Variants in EDRF1 observed in about 807,000 individuals in gnomAD.
EDRF1 encodes the protein erythroid differentiation regulatory factor 1.
In EDRF1, 69 loss-of-function variants were observed where a neutral mutation model predicts 148.7. The ratio of observed to expected loss-of-function variants is 0.46; its 90% CI spans 0.38 to 0.57. The LOEUF (loss-of-function observed/expected upper bound fraction) is 0.57. Among genes scored for constraint, EDRF1 ranks in the 20% least tolerant of loss-of-function variants. EDRF1 has a pLI of 0.00. For synonymous variants in EDRF1, 515 were observed against 532.8 expected, an observed-to-expected ratio of 0.97 and a Z score of 0.46; for missense variants, 1,118 against 1,478.7, an observed-to-expected ratio of 0.76 and a Z score of 4.00.
chr10:125,744,219 C>CTT (rs779660582), intron 18 of EDRF1, among the ~76,000 whole-genome samples: 2 of 135,340 alleles, frequency 1.5e-5, no homozygotes, highest in African/African-American at 5.7e-5. Flanking sequence ...TTGGTTGTTT[C>CTT]TTTTTTTTTT....
intron 24 of EDRF1, among the ~76,000 whole-genome samples, chr10:125,757,527 A>G (rs1849965361): frequency 6.6e-6 from 1 of 152,206 alleles, no homozygotes; most frequent in Non-Finnish European, 1.5e-5. Context: ...ACCTTCATTT[A>G]TTCCATTTCA....
chr10:125,724,084 C>A, intron 4 of EDRF1, 148 bp downstream of exon 4: 2 of 889,496 alleles, frequency 2.2e-6, no homozygotes, highest in South Asian at 1.7e-5. Flanking sequence ...GATAGAAAAG[C>A]TTGAATGAAG....
chr10:125,744,664 A>G (rs1346880243), intron 18 of EDRF1: 1 of 152,248 alleles, frequency 6.6e-6, no homozygotes, highest in Non-Finnish European at 1.5e-5. Context: ...CACAGGTTGT[A>G]ATCTCTTCAG....
Position 125,757,857 on chromosome 10 carries a change from C to G in EDRF1, c.3545+4012C>G, listed in dbSNP as rs546769325. ...TCCTTGCCTGTAGGCGCCTCACCCC[C>G]CAGCAGTTTAACTATGATAGGCTTG... On this transcript the variant is annotated intron_variant, in intron 24 of 24. Transcript: ENST00000356792. 2.6e-5 allele frequency among the ~76,000 whole-genome samples: 4 copies of G among 152,318 alleles called. No individual in the cohort carries two copies. In the East Asian group the frequency reaches 5.8e-4, roughly 22 times the overall value.
intron 21 of EDRF1, chr10:125,748,358 A>G (rs1849473666): frequency 5.8e-6 from 2 of 345,194 alleles, no homozygotes; most frequent in African/African-American, 4.2e-5. Flanking sequence ...TAGTTTATCT[A>G]GTCTATGATT....
In EDRF1 at chr10:125,735,719, T is replaced by C. The variant is rs1245507643; in HGVS notation, c.1573T>C (p.Ser525Pro). The change falls in exon 13 of 25, where the codon TCT becomes CCT. Residue 525 changes from serine to proline, a missense_variant. By Grantham distance (74) the Ser-to-Pro change is moderately conservative (BLOSUM62 -1). Transcript: ENST00000356792. ...ACCTAAAAAGGAAGAAAATTCAGAATCTCCTTTAAATGAGAATTCTGATGA... is the reference window on the plus strand; with the variant it reads ...ACCTAAAAAGGAAGAAAATTCAGAACCTCCTTTAAATGAGAATTCTGATGA... ...DEPKKEENSESPLNENSDESY... is the reference protein window; with the variant it reads ...DEPKKEENSEPPLNENSDESY... 1.2e-6 allele frequency: 2 copies of C among 1,613,574 alleles called. No individual in the cohort carries two copies. The highest frequency in any genetic ancestry group is 2.2e-5 in the South Asian group (2 of 91,064).
At chr10:125,761,055 G>A (rs1850167905) in intron 24 of EDRF1, among the ~76,000 whole-genome samples, 1 of 152,182 alleles carries the variant, frequency 6.6e-6, no homozygotes. Context: ...GAGAGGCCAT[G>A]TTAAACAAAT....
intron 24 of EDRF1, among the ~76,000 whole-genome samples, chr10:125,758,290 T>A (rs978514288): frequency 6.6e-6 from 1 of 152,258 alleles, no homozygotes; most frequent in African/African-American, 2.4e-5. Flanking sequence ...ATTATAGTCC[T>A]TTTAAATTCC....
rs139989262 is a variant in EDRF1, at chr10:125,755,029, C to T, written c.3545+1184C>T. Among the ~76,000 whole-genome samples the T allele has an allele frequency of 5.9e-5, 9 of 152,308 alleles. No homozygotes were observed. In the East Asian group the frequency reaches 1.3e-3, roughly 23 times the overall value. ...AACAGTTCCGTCACTCCAAGAATTC[C>T]CTCCTGCTGTCCCCTTTGCAGTCAA... On this transcript the variant is annotated intron_variant, in intron 24 of 24. Transcript: ENST00000356792.
chr10:125,763,615 T>G lies in EDRF1; in HGVS notation c.*143T>G, dbSNP rs946644631. 3 of 986,202 alleles carry G rather than the reference T, an allele frequency of 3.0e-6. No individual in the cohort carries two copies. The highest frequency in any genetic ancestry group is 4.5e-6 in the Non-Finnish European group (3 of 666,684). 61.1% of individuals were successfully genotyped at this position (986,202 alleles called of 1,614,324 possible). On this transcript the variant is annotated 3_prime_UTR_variant, in exon 25 of 25. Transcript: ENST00000356792. This position sits in a 1 kb window ranked among gnomAD's most constrained non-coding sequence, Gnocchi z 4.3. ...AGTGGAAACACAGAGTTATTTTAAG[T>G]GACAGACAAATTACGGTTGAGTTCT...
chr10:125,733,288 C>A lies in EDRF1; in HGVS notation c.1129-116C>A. 1.3e-5 allele frequency: 10 copies of A among 787,080 alleles called. No homozygotes were observed. In the South Asian group the frequency reaches 1.5e-4, roughly 12 times the overall value. The allele number at this position is 787,080 out of a possible 1,614,324, so 48.8% of individuals were successfully genotyped here. A position where few individuals can be genotyped will look rare whatever the true frequency, so the allele number is the denominator to read the frequency against. ...TAAAAACCACTGGTTTAAACACTTT[C>A]ATGCTACATAGGTCTCTGTTTGCAG... is the stretch of plus-strand genomic sequence containing the variant. On this transcript the variant is annotated intron_variant, in intron 9 of 24. Transcript: ENST00000356792.
intron 20 of EDRF1, 30 bp from the exon 21 acceptor site, chr10:125,747,832 AT>A: frequency 1.9e-6 from 3 of 1,613,826 alleles, no homozygotes; most frequent in South Asian, 2.2e-5. Flanking sequence ...TTAGAAGCTT[AT>A]TTTTTTCTTC....
chr10:125,721,777 T>C (rs1171644820), intron 2 of EDRF1, among the ~76,000 whole-genome samples: 1 of 152,218 alleles, frequency 6.6e-6, no homozygotes, highest in Non-Finnish European at 1.5e-5. Context: ...TCCTTCATCT[T>C]TCCTGTGGAG....
intron 13 of EDRF1, among the ~76,000 whole-genome samples, chr10:125,737,039 G>A (rs1229957036): frequency 2.0e-5 from 3 of 152,070 alleles, no homozygotes; most frequent in Admixed American, 2.0e-4. Context: ...CTAAATGACT[G>A]CAGGAAAAAG....
In EDRF1 at chr10:125,725,885, G is replaced by A. The variant is rs200553631; in HGVS notation, c.792+47G>A. 14 of 1,573,664 alleles carry A rather than the reference G, an allele frequency of 8.9e-6. No homozygotes were observed. The African/African-American group carries it at 1.8e-4, about 20-fold the overall frequency. ...CTAGAAACTCACATAGGAAAACAAA[G>A]CCTTTTTTAACATCTCGTTAAAAAA... On this transcript the variant is annotated intron_variant, in intron 6 of 24. Transcript: ENST00000356792.
chr10:125,762,524 C>G (rs1850239347), intron 24 of EDRF1, among the ~76,000 whole-genome samples: 1 of 151,842 alleles, frequency 6.6e-6, no homozygotes, highest in African/African-American at 2.4e-5. Context: ...TATGAACTGC[C>G]ACGTAATTAC....
chr10:125,729,265 C>T, intron 7 of EDRF1, 93 bp from the exon 8 acceptor site: 1 of 1,538,194 alleles, frequency 6.5e-7, no homozygotes, highest in Non-Finnish European at 8.9e-7. Context: ...ACTTTGTCTT[C>T]TTTGTCTCTT....
intron 24 of EDRF1, among the ~76,000 whole-genome samples, chr10:125,757,294 A>G (rs1430045691): frequency 6.6e-6 from 1 of 152,174 alleles, no homozygotes; most frequent in Non-Finnish European, 1.5e-5. Flanking sequence ...TGCAGTATAC[A>G]TCGTTAATCT....
intron 9 of EDRF1, 32 bp downstream of exon 9, chr10:125,730,431 A>G (rs1848435791): frequency 1.3e-6 from 2 of 1,552,998 alleles, no homozygotes; most frequent in Non-Finnish European, 1.8e-6. Context: ...CTGATCTCTC[A>G]AATGCAAATT....
Sources: allele counts gnomAD v4.1 joint callset (sites outside exome capture counted in the v4.1 genomes callset), GRCh38; gene constraint gnomAD v4.1.1; non-coding constraint Gnocchi (gnomAD v3.1); transcripts MANE v1.5; gene names NCBI Gene and HGNC (gene_info 2026-07-23, HGNC 2026-07-21).